The following NKAIN3 variants were observed in gnomAD, a reference collection of about 807,000 sequenced individuals.
NKAIN3 encodes the protein sodium/potassium-transporting ATPase subunit beta-1-interacting protein 3.
NKAIN3 carries 25 observed loss-of-function variants against 30.2 expected under a neutral mutation model. That is an observed-to-expected ratio of 0.83 (90% CI 0.60 to 1.16). The LOEUF (loss-of-function observed/expected upper bound fraction) is 1.16. NKAIN3 is among the 50% of genes most tolerant of loss of function. NKAIN3 has a pLI of 0.00. For synonymous variants in NKAIN3, 91 were observed against 89.6 expected (o/e 1.02, Z -0.09); for missense variants, 225 against 254.1 (o/e 0.89, Z 0.78).
intron 3 of NKAIN3, among the ~76,000 whole-genome samples, chr8:62,645,219 A>G (rs572276492): frequency 1.3e-5 from 2 of 152,246 alleles, no homozygotes; most frequent in African/African-American, 2.4e-5. Context: ...ACAGCAGGAA[A>G]ATAAGGATAG....
rs1824006547 is a variant in NKAIN3, at chr8:62,978,765, A to G, written c.*13358A>G. 6.5e-6 allele frequency: 1 copy of G among 152,990 alleles called. No individual in the cohort carries two copies. The highest frequency in any genetic ancestry group is 2.1e-4 in the South Asian group (1 of 4,828). The allele number at this position is 152,990 out of a possible 1,614,324, so 9.5% of individuals were successfully genotyped here. A position where few individuals can be genotyped will look rare whatever the true frequency, so the allele number is the denominator to read the frequency against. ...GCATTCCAGACAACTCTGGGGTACGAAAAAAACTCCTACAGCTAGCTCAGT... is the reference window on the plus strand; with the variant it reads ...GCATTCCAGACAACTCTGGGGTACGGAAAAAACTCCTACAGCTAGCTCAGT... On this transcript the variant is annotated 3_prime_UTR_variant, in exon 7 of 7. Transcript: ENST00000623646.
At chr8:62,728,636 G>A (rs1012067468) in intron 3 of NKAIN3, among the ~76,000 whole-genome samples, 4 of 151,678 alleles carry the variant, frequency 2.6e-5, no homozygotes, top group African/African-American at 9.7e-5. Context: ...TTGCACTCCA[G>A]CCTGGGCGAC....
intron 1 of NKAIN3, among the ~76,000 whole-genome samples, chr8:62,354,717 A>G (rs2129592000): frequency 6.6e-6 from 1 of 152,310 alleles, no homozygotes; most frequent in African/African-American, 2.4e-5. Flanking sequence ...TGCTGGGATT[A>G]CAGACGTGAG....
chr8:62,324,134 T>C (rs1815034501), intron 1 of NKAIN3, among the ~76,000 whole-genome samples: 3 of 152,030 alleles, frequency 2.0e-5, no homozygotes. Flanking sequence ...TGTATCAATA[T>C]AGACTCAACA....
At chr8:62,514,336 G>A (rs17245626) in intron 1 of NKAIN3, among the ~76,000 whole-genome samples, 1,977 of 151,922 alleles carry the variant, frequency 0.013, 28 homozygotes, top group Non-Finnish European at 0.02. Context: ...TATGAGATGT[G>A]CTTTAAAACA....
intron 1 of NKAIN3, among the ~76,000 whole-genome samples, chr8:62,319,390 C>G (rs56016708): frequency 0.035 from 5,344 of 152,082 alleles, 343 homozygotes; most frequent in African/African-American, 0.12. Context: ...AATGTGTTTG[C>G]TCTTGTTTCT....
At chr8:62,735,996 T>C (rs1815654173) in intron 3 of NKAIN3, among the ~76,000 whole-genome samples, 1 of 152,104 alleles carries the variant, frequency 6.6e-6, no homozygotes, top group Non-Finnish European at 1.5e-5. Context: ...ATGTGATTGG[T>C]CTTCAGGTCT....
At chr8:62,887,105 A>T (rs1443217120) in intron 4 of NKAIN3, among the ~76,000 whole-genome samples, 1 of 152,136 alleles carries the variant, frequency 6.6e-6, no homozygotes, top group African/African-American at 2.4e-5. Context: ...TTGCTATTGT[A>T]AATAGTGCTG....
At chr8:62,786,139 G>C (rs1563560666) in intron 4 of NKAIN3, among the ~76,000 whole-genome samples, 1 of 152,000 alleles carries the variant, frequency 6.6e-6, no homozygotes. Flanking sequence ...AGGAGTTTTA[G>C]TCCCTACAAA....
intron 4 of NKAIN3, among the ~76,000 whole-genome samples, chr8:62,917,132 C>G (rs563234177): frequency 5.9e-5 from 9 of 152,036 alleles, no homozygotes; most frequent in Admixed American, 1.3e-4. Context: ...AGAGGCCTTA[C>G]CCCCAGGCTA....
intron 4 of NKAIN3, among the ~76,000 whole-genome samples, chr8:62,829,584 T>G (rs1819129718): frequency 6.6e-6 from 1 of 152,148 alleles, no homozygotes; most frequent in Non-Finnish European, 1.5e-5. Context: ...TCAGGTATAT[T>G]GCCGAAAATA....
At chr8:62,458,006 G>A (rs1053647464) in intron 1 of NKAIN3, among the ~76,000 whole-genome samples, 2 of 152,134 alleles carry the variant, frequency 1.3e-5, no homozygotes, top group Admixed American at 1.3e-4. Flanking sequence ...GCATAGGTAG[G>A]CCCTCGACGG....
At position 62,953,959 on chromosome 8, in the gene NKAIN3, A is replaced by T; in HGVS notation, c.590A>T (p.Lys197Met). 2 of 978,428 alleles carry T rather than the reference A, an allele frequency of 2.0e-6. No homozygotes were observed. The highest frequency in any genetic ancestry group is 2.4e-6 in the Non-Finnish European group (2 of 823,104). 60.6% of individuals were successfully genotyped at this position (978,428 alleles called of 1,614,324 possible). A position where few individuals can be genotyped will look rare whatever the true frequency, so the allele number is the denominator to read the frequency against. Residue 197 changes from lysine to methionine, a missense_variant, in exon 6 of 7, where the codon AAG (lysine) becomes ATG (methionine). By Grantham distance (95) the Lys-to-Met change is moderately conservative (BLOSUM62 -1). Transcript: ENST00000623646. ...TACTACCAGGATCATGTTGAGTTAA[A>T]GCCTGTTAAACCAGTAAGTAAAGGT... ...HSYYQDHVELKPVKPVEISND... is the reference protein window; with the variant it reads ...HSYYQDHVELMPVKPVEISND...
At chr8:62,390,785 T>C (rs888005722) in intron 1 of NKAIN3, among the ~76,000 whole-genome samples, 4 of 152,224 alleles carry the variant, frequency 2.6e-5, no homozygotes, top group African/African-American at 9.6e-5. Flanking sequence ...ATTTCTCTAA[T>C]GATCAGTGAT....
chr8:62,929,864 C>A (rs976206613), intron 5 of NKAIN3, among the ~76,000 whole-genome samples: 2 of 152,062 alleles, frequency 1.3e-5, no homozygotes, highest in Admixed American at 1.3e-4. Context: ...TTTCTTTTAG[C>A]TCATCAACTA....
chr8:62,530,535 C>T (rs1265774730), intron 1 of NKAIN3, among the ~76,000 whole-genome samples: 1 of 152,084 alleles, frequency 6.6e-6, no homozygotes, highest in Non-Finnish European at 1.5e-5. Flanking sequence ...CAAATAAATT[C>T]CCCTAAGAGG....
chr8:62,587,449 A>T (rs1371104268), intron 2 of NKAIN3, among the ~76,000 whole-genome samples: 1 of 152,028 alleles, frequency 6.6e-6, no homozygotes, highest in Non-Finnish European at 1.5e-5. Context: ...ATTATAGAAC[A>T]TATATGAATA....
chr8:62,455,212 G>A (rs1805775501), intron 1 of NKAIN3, among the ~76,000 whole-genome samples: 1 of 152,178 alleles, frequency 6.6e-6, no homozygotes, highest in Non-Finnish European at 1.5e-5. Flanking sequence ...TCTGTTCTAC[G>A]AAAAGACACT....
chr8:62,857,061 G>T, intron 4 of NKAIN3: 1 of 489,160 alleles, frequency 2.0e-6, no homozygotes, highest in South Asian at 1.6e-5. Context: ...CCTCAGTTTT[G>T]TAATACGACT....
Sources: gnomAD v4.1 joint callset for allele counts (sites outside exome capture counted in the v4.1 genomes callset) on GRCh38, gnomAD v4.1.1 for gene constraint, MANE v1.5 for transcripts, NCBI Gene and HGNC (gene_info 2026-07-23, HGNC 2026-07-21) for gene names.